Variants in ZBTB43 observed in about 807,000 individuals in gnomAD.
The protein encoded by ZBTB43 is zinc finger and BTB domain-containing protein 43.
Under a neutral mutation model 31.1 loss-of-function variants are expected in ZBTB43, and 6 were observed. The observed-to-expected ratio is 0.19, with a 90% CI of 0.11 to 0.38. The LOEUF (loss-of-function observed/expected upper bound fraction) is 0.38. Among genes scored for constraint, ZBTB43 ranks in the 10% least tolerant of loss-of-function variants. The probability of loss-of-function intolerance (pLI) is 1.00; values close to 1 mark genes in which losing one functional copy is unlikely to be tolerated. For missense variants in ZBTB43, 379 were observed against 602.1 expected, an observed-to-expected ratio of 0.63 and a Z score of 3.88; for synonymous variants, 212 against 221.7, an observed-to-expected ratio of 0.96 and a Z score of 0.39.
chr9:126,832,643 G>C lies in ZBTB43; in HGVS notation c.134G>C (p.Arg45Pro). The C allele has an allele frequency of 6.2e-7, 1 of 1,614,020 alleles. No individual in the cohort carries two copies. Among genetic ancestry groups the C allele is most frequent in the African/African-American group, 1.3e-5 (1 of 74,976 alleles). ...VSIVVQGHIF[R>P]AHKAVLAASS... ...ATTGTTGTCCAAGGCCACATTTTCC[G>C]GGCACACAAAGCCGTTCTTGCTGCC... The change falls in exon 3 of 3, where the codon CGG (arginine) becomes CCG (proline). Residue 45 changes from arginine to proline, a missense_variant. Physicochemically the swap from Arg to Pro is moderately radical, Grantham distance 103. Around this residue, in one of 5 missense-constraint regions of ZBTB43, gnomAD observed 79 missense variants for 134.4 expected, o/e 0.59. Transcript: ENST00000373464.
At chr9:126,822,029 G>T (rs746190630) in intron 2 of ZBTB43, among the ~76,000 whole-genome samples, 21 of 152,058 alleles carry the variant, frequency 1.4e-4, no homozygotes, top group Non-Finnish European at 2.6e-4. Context: ...GCTAATTTTT[G>T]TATTTTTAGT....
rs1235888711 is a variant in ZBTB43 at position 126,833,876 on chromosome 9, C to T, written c.1367C>T (p.Ala456Val). The change falls in exon 3 of 3, where the codon GCT becomes GTT. Residue 456 changes from alanine to valine, a missense_variant. Ala to Val is a moderately conservative substitution (Grantham distance 64, BLOSUM62 0). Around this residue, in one of 5 missense-constraint regions of ZBTB43, gnomAD observed 21 missense variants for 22.4 expected, o/e 0.94. Coordinates refer to ENST00000373464, the MANE Select transcript of ZBTB43 (RefSeq NM_014007.4). The surrounding 1 kb of genome is among the most constrained non-coding windows in gnomAD (Gnocchi z 7.9). The stretch of plus-strand genomic sequence containing the variant: ...ACTTCTTGTACTAAGTCCTACGAAG[C>T]TGCAAAGGCTGAGCAGAATACAACT... ...HVTSCTKSYE[A>V]AKAEQNTTEA... The T allele has an allele frequency of 1.9e-6, 3 of 1,591,212 alleles. No homozygotes were observed. The highest frequency in any genetic ancestry group is 2.6e-6 in the Non-Finnish European group (3 of 1,161,066).
Position 126,828,648 on chromosome 9 carries a change from A to ATTATTATTATTATT in ZBTB43, c.-23-3839_-23-3838insTTATTATTATTATT, listed in dbSNP as rs1554742722. ...ATCTCTAAATAATAATAATAATAAT[A>ATTATTATTATTATT]ATAATAATTATTATTATTATTATTA... On this transcript the variant is annotated intron_variant, in intron 2 of 2. Transcript: ENST00000373464. Among the ~76,000 whole-genome samples the ATTATTATTATTATT allele has an allele frequency of 7.6e-3, 1,022 of 133,612 alleles. 9 individuals carry two copies. The highest frequency in any genetic ancestry group is 0.029 in the African/African-American group (960 of 33,300). 87.7% of individuals were successfully genotyped at this position (133,612 alleles called of 152,430 possible). A position where few individuals can be genotyped will look rare whatever the true frequency, so the allele number is the denominator to read the frequency against.
At chr9:126,804,483 T>G (rs1161768467), upstream of ZBTB43, among the ~76,000 whole-genome samples, 4 of 151,804 alleles carry the variant, frequency 2.6e-5, no homozygotes, top group African/African-American at 9.7e-5. Flanking sequence ...TTTTGTTTGT[T>G]TTGTTGTTGT....
Position 126,833,973 on chromosome 9 carries a change from T to A in ZBTB43, c.*60T>A. 6.8e-7 allele frequency: 1 copy of A among 1,480,972 alleles called. No individual in the cohort carries two copies. The highest frequency in any genetic ancestry group is 9.1e-7 in the Non-Finnish European group (1 of 1,104,898). The allele number at this position is 1,480,972 out of a possible 1,614,324, so 91.7% of individuals were successfully genotyped here. A position where few individuals can be genotyped will look rare whatever the true frequency, so the allele number is the denominator to read the frequency against. ...AATAAACTATGGTAATTAATGCAAA[T>A]CTGGGCACAGATGATGCGTGCTACT... On this transcript the variant is annotated 3_prime_UTR_variant, in exon 3 of 3. Transcript: ENST00000373464. The surrounding 1 kb of genome is among the most constrained non-coding windows in gnomAD (Gnocchi z 7.9).
At chr9:126,817,678 G>A (rs2032419390) in intron 2 of ZBTB43, among the ~76,000 whole-genome samples, 1 of 151,792 alleles carries the variant, frequency 6.6e-6, no homozygotes, top group Non-Finnish European at 1.5e-5. Context: ...GGGTTTCACT[G>A]TGTTAGTCAG....
intron 2 of ZBTB43, among the ~76,000 whole-genome samples, chr9:126,812,046 T>G (rs2032262602): frequency 6.6e-6 from 1 of 152,148 alleles, no homozygotes; most frequent in Non-Finnish European, 1.5e-5. Context: ...AACTTTTGTC[T>G]CCCCTCAAAG....
intron 2 of ZBTB43, among the ~76,000 whole-genome samples, chr9:126,819,178 A>G (rs371287133): frequency 6.6e-6 from 1 of 151,042 alleles, no homozygotes; most frequent in East Asian, 1.9e-4. Context: ...AGACTCGTTT[A>G]TGGTCTAACA....
In ZBTB43 at chr9:126,828,654, AATT is replaced by A. The variant is rs59664603; in HGVS notation, c.-23-3811_-23-3809del. On this transcript the variant is annotated intron_variant, in intron 2 of 2. Coordinates refer to ENST00000373464, the MANE Select transcript of ZBTB43 (RefSeq NM_014007.4). ...AAATAATAATAATAATAATAATAAT[AATT>A]ATTATTATTATTATTATTATTTTGG... Among the ~76,000 whole-genome samples, 321 of 127,714 alleles carry A rather than the reference AATT, an allele frequency of 2.5e-3. 2 individuals are homozygous for A. The highest frequency in any genetic ancestry group is 5.0e-3 in the African/African-American group (160 of 31,902). 83.8% of individuals were successfully genotyped at this position (127,714 alleles called of 152,430 possible).
intron 1 of ZBTB43, among the ~76,000 whole-genome samples, chr9:126,808,468 A>G (rs1002443994): frequency 8.5e-5 from 13 of 152,270 alleles, no homozygotes; most frequent in African/African-American, 3.1e-4. Context: ...TCCAAAGGAT[A>G]TATTAATTCT....
intron 2 of ZBTB43, among the ~76,000 whole-genome samples, chr9:126,816,746 G>T (rs2032394334): frequency 6.6e-6 from 1 of 152,202 alleles, no homozygotes; most frequent in African/African-American, 2.4e-5. Context: ...TCTCAGGGGA[G>T]CTTGAGCTCT....
At chr9:126,824,640 T>C (rs1445496790) in intron 2 of ZBTB43, among the ~76,000 whole-genome samples, 1 of 152,182 alleles carries the variant, frequency 6.6e-6, no homozygotes, top group Admixed American at 6.5e-5. Flanking sequence ...GATGAAAAAT[T>C]AGCTGTTAAT....
chr9:126,809,840 A>G (rs1016745047), intron 2 of ZBTB43, among the ~76,000 whole-genome samples: 1 of 150,502 alleles, frequency 6.6e-6, no homozygotes, highest in African/African-American at 2.5e-5. Context: ...AACTGCTGGT[A>G]TCTTTTTTTT....
At chr9:126,826,645 T>C (rs1157322633) in intron 2 of ZBTB43, among the ~76,000 whole-genome samples, 1 of 151,618 alleles carries the variant, frequency 6.6e-6, no homozygotes, top group African/African-American at 2.4e-5. Context: ...TTGTATTTTT[T>C]AGTAGAAATG....
At chr9:126,828,240 G>A (rs1345134466) in intron 2 of ZBTB43, among the ~76,000 whole-genome samples, 1 of 151,432 alleles carries the variant, frequency 6.6e-6, no homozygotes, top group African/African-American at 2.4e-5. Context: ...CTGGAGTGCA[G>A]TGGCGCGATC....
intron 2 of ZBTB43, among the ~76,000 whole-genome samples, chr9:126,818,296 A>AAT (rs140919672): frequency 0.11 from 15,829 of 146,800 alleles, 1,022 homozygotes; most frequent in Middle Eastern, 0.18. Flanking sequence ...CTAATTAAAA[A>AAT]ATATATATAT....
chr9:126,815,486 C>G (rs1246115398), intron 2 of ZBTB43, among the ~76,000 whole-genome samples: 2 of 150,858 alleles, frequency 1.3e-5, no homozygotes, highest in African/African-American at 4.9e-5. Flanking sequence ...ACTCTATTCC[C>G]TTTTTATTTG....
intron 2 of ZBTB43, among the ~76,000 whole-genome samples, chr9:126,822,159 A>AT (rs773251812): frequency 0.014 from 1,638 of 117,902 alleles, 23 homozygotes; most frequent in African/African-American, 0.036. Context: ...CTCGGCCGAG[A>AT]TTTTTTTTTT....
rs1282440364 is a variant in ZBTB43 at position 126,836,561 on chromosome 9, T to A, written c.*2648T>A. The A allele has an allele frequency of 6.0e-6, 1 of 167,066 alleles. No homozygotes were observed. Among genetic ancestry groups the A allele is most frequent in the Admixed American group, 6.5e-5 (1 of 15,288 alleles). 10.3% of individuals were successfully genotyped at this position (167,066 alleles called of 1,614,324 possible). ...AGTGAATTTTTGTAAACTCTGGTTTTTACCTTTTTTTCATCCCCACGTTGA... is the reference window on the plus strand; with the variant it reads ...AGTGAATTTTTGTAAACTCTGGTTTATACCTTTTTTTCATCCCCACGTTGA... On this transcript the variant is annotated 3_prime_UTR_variant, in exon 3 of 3. Coordinates refer to ENST00000373464, the MANE Select transcript of ZBTB43 (RefSeq NM_014007.4).
Sources: allele counts gnomAD v4.1 joint callset (sites outside exome capture counted in the v4.1 genomes callset), GRCh38; gene constraint gnomAD v4.1.1; regional missense constraint gnomAD v4.1.1; non-coding constraint Gnocchi (gnomAD v3.1); transcripts MANE v1.5; gene names NCBI Gene and HGNC (gene_info 2026-07-23, HGNC 2026-07-21).